The following IMMP2L variants were observed in gnomAD, a reference collection of about 807,000 sequenced individuals.
IMMP2L encodes inner mitochondrial membrane peptidase subunit 2, also known as mitochondrial inner membrane protease subunit 2.
In IMMP2L, 18 loss-of-function variants were observed where a neutral mutation model predicts 19.3. The observed-to-expected ratio is 0.93, with a 90% confidence interval of 0.64 to 1.38. The LOEUF is 1.38. Among genes scored for constraint, IMMP2L ranks in the 40% most tolerant of loss-of-function variants. IMMP2L has a pLI of 0.00. For synonymous variants in IMMP2L, 76 were observed against 73.0 expected (o/e 1.04, Z -0.21); for missense variants, 233 against 218.2 (o/e 1.07, Z -0.43).
chr7:111,050,955 C>T lies in IMMP2L; in HGVS notation c.240-87390G>A, dbSNP rs950928455. 2.0e-5 allele frequency among the ~76,000 whole-genome samples: 3 copies of T among 152,028 alleles called. No homozygotes were observed. The East Asian group carries it at 5.8e-4, about 29-fold the overall frequency. On this transcript the variant is annotated intron_variant, in intron 3 of 5. Coordinates refer to ENST00000405709, the MANE Select transcript of IMMP2L (RefSeq NM_032549.4). ...AGCTAATTACAGGAAAAGAAATTAACAAATAAAAAAGCTGACTTAAGAGTT... is the reference window on the plus strand; with the variant it reads ...AGCTAATTACAGGAAAAGAAATTAATAAATAAAAAAGCTGACTTAAGAGTT...
At chr7:111,179,920 G>A (rs1480991935) in intron 3 of IMMP2L, among the ~76,000 whole-genome samples, 1 of 151,798 alleles carries the variant, frequency 6.6e-6, no homozygotes, top group Non-Finnish European at 1.5e-5. Context: ...ACTAACTTTT[G>A]CTAGCTTCCA....
At chr7:111,080,542 A>G (rs2129576372) in intron 3 of IMMP2L, among the ~76,000 whole-genome samples, 1 of 151,904 alleles carries the variant, frequency 6.6e-6, no homozygotes, top group Admixed American at 6.6e-5. Context: ...ATATGTGTGT[A>G]TGTATACACA....
At chr7:111,548,452 G>A (rs1219285657) in intron 1 of IMMP2L, among the ~76,000 whole-genome samples, 1 of 151,992 alleles carries the variant, frequency 6.6e-6, no homozygotes, top group Non-Finnish European at 1.5e-5. Context: ...TTTTGTCATA[G>A]GATATTCCAC....
chr7:111,137,747 T>C (rs1207092444), intron 3 of IMMP2L, among the ~76,000 whole-genome samples: 1 of 152,192 alleles, frequency 6.6e-6, no homozygotes, highest in African/African-American at 2.4e-5. Context: ...TATGAGAACT[T>C]TAATATGAAT....
chr7:111,183,743 T>C (rs1200781233), intron 3 of IMMP2L, among the ~76,000 whole-genome samples: 1 of 152,082 alleles, frequency 6.6e-6, no homozygotes, highest in African/African-American at 2.4e-5. Flanking sequence ...TTGTAGTTCA[T>C]CGAGACCCTT....
At chr7:111,330,529 A>C (rs973821938) in intron 3 of IMMP2L, among the ~76,000 whole-genome samples, 1 of 151,770 alleles carries the variant, frequency 6.6e-6, no homozygotes, top group East Asian at 1.9e-4. Flanking sequence ...AACTTGTAAC[A>C]ATCAACTCAG....
intron 5 of IMMP2L, among the ~76,000 whole-genome samples, chr7:110,816,027 T>C (rs1802476550): frequency 6.6e-6 from 1 of 152,166 alleles, no homozygotes; most frequent in Non-Finnish European, 1.5e-5. Context: ...GTGTTTGCTC[T>C]TGCTTTTCCA....
chr7:111,452,651 T>C (rs1263291497), intron 3 of IMMP2L, among the ~76,000 whole-genome samples: 3 of 152,190 alleles, frequency 2.0e-5, no homozygotes, highest in Non-Finnish European at 4.4e-5. Flanking sequence ...TTCCTGTTCC[T>C]CTGCCACTAA....
At chr7:111,528,316 C>T (rs1467518846) in intron 1 of IMMP2L, among the ~76,000 whole-genome samples, 1 of 152,038 alleles carries the variant, frequency 6.6e-6, no homozygotes, top group Non-Finnish European at 1.5e-5. Context: ...CTAAAATCAC[C>T]CCCAGCAAAA....
intron 4 of IMMP2L, among the ~76,000 whole-genome samples, chr7:110,958,667 C>T (rs953963480): frequency 1.3e-5 from 2 of 151,956 alleles, no homozygotes; most frequent in African/African-American, 4.8e-5. Context: ...TCTATCTAGC[C>T]ACAGCTGACA....
At chr7:111,220,391 T>G (rs934167309) in intron 3 of IMMP2L, among the ~76,000 whole-genome samples, 1 of 152,068 alleles carries the variant, frequency 6.6e-6, no homozygotes, top group Non-Finnish European at 1.5e-5. Context: ...ATGGTGTTTC[T>G]GAATATGTAA....
chr7:110,920,606 T>C lies in IMMP2L; in HGVS notation c.306-33911A>G, dbSNP rs150637676. Reference sequence around the variant, plus strand: ...GTCCTAATGCTGAGAATTGATCTTATGTGTTTCTACATTTTTGAAATAGTA... The same window carrying C: ...GTCCTAATGCTGAGAATTGATCTTACGTGTTTCTACATTTTTGAAATAGTA... On this transcript the variant is annotated intron_variant, in intron 4 of 5. Coordinates refer to ENST00000405709, the MANE Select transcript of IMMP2L (RefSeq NM_032549.4). Among the ~76,000 whole-genome samples, 7 of 152,344 alleles carry C rather than the reference T, an allele frequency of 4.6e-5. No individual in the cohort carries two copies. The East Asian group carries it at 1.2e-3, about 25-fold the overall frequency.
At chr7:110,713,849 G>T (rs1282417384) in intron 5 of IMMP2L, among the ~76,000 whole-genome samples, 1 of 151,916 alleles carries the variant, frequency 6.6e-6, no homozygotes, top group Non-Finnish European at 1.5e-5. Flanking sequence ...GGTTTTCTAG[G>T]TATACAATCA....
intron 3 of IMMP2L, among the ~76,000 whole-genome samples, chr7:111,195,560 G>C (rs1809380976): frequency 6.6e-6 from 1 of 151,916 alleles, no homozygotes; most frequent in South Asian, 2.1e-4. Flanking sequence ...TATTATAAAG[G>C]ATTTTTTATT....
At chr7:110,687,909 C>T (rs1365505968) in intron 5 of IMMP2L, among the ~76,000 whole-genome samples, 1 of 151,796 alleles carries the variant, frequency 6.6e-6, no homozygotes, top group African/African-American at 2.4e-5. Context: ...CTGCTTTGTC[C>T]AATTCTGGGC....
At chr7:111,171,966 T>A (rs1806497218) in intron 3 of IMMP2L, among the ~76,000 whole-genome samples, 1 of 151,466 alleles carries the variant, frequency 6.6e-6, no homozygotes, top group Admixed American at 6.6e-5. Flanking sequence ...AGTGGAATAT[T>A]ATGGGTTTGA....
chr7:111,228,830 T>TTTTAC (rs1813392102), intron 3 of IMMP2L, among the ~76,000 whole-genome samples: 1 of 152,016 alleles, frequency 6.6e-6, no homozygotes, highest in East Asian at 1.9e-4. Flanking sequence ...AGGTGAAAGG[T>TTTTAC]ATTTTACAAT....
intron 3 of IMMP2L, among the ~76,000 whole-genome samples, chr7:111,086,127 T>C (rs964128595): frequency 6.6e-6 from 1 of 151,546 alleles, no homozygotes; most frequent in African/African-American, 2.4e-5. Context: ...AAAATAAAAG[T>C]ATTTAAAAAA....
intron 5 of IMMP2L, among the ~76,000 whole-genome samples, chr7:110,819,827 C>A (rs1272846775): frequency 6.6e-6 from 1 of 152,062 alleles, no homozygotes; most frequent in Non-Finnish European, 1.5e-5. Context: ...AGTAAAACTA[C>A]AACTATTGAT....
Sources: gnomAD v4.1 joint callset for allele counts (sites outside exome capture counted in the v4.1 genomes callset) on GRCh38, gnomAD v4.1.1 for gene constraint, MANE v1.5 for transcripts, NCBI Gene and HGNC (gene_info 2026-07-23, HGNC 2026-07-21) for gene names.